MTMR3: variants seen among roughly 807,000 people sequenced by gnomAD.
The protein encoded by MTMR3 is myotubularin related protein 3.
In MTMR3, 32 loss-of-function variants were observed where a neutral mutation model predicts 132.4. The observed-to-expected ratio is 0.24, with a 90% CI of 0.18 to 0.32. The LOEUF (loss-of-function observed/expected upper bound fraction) is 0.32. MTMR3 is among the 10% of genes least tolerant of loss of function. MTMR3 has a pLI of 1.00. For missense variants in MTMR3, 1,216 were observed against 1,489.6 expected (o/e 0.82, Z 3.02); for synonymous variants, 556 against 550.3 (o/e 1.01, Z -0.14).
At chr22:29,914,003 A>G (rs755022996) in intron 1 of MTMR3, among the ~76,000 whole-genome samples, 23 of 151,626 alleles carry the variant, frequency 1.5e-4, no homozygotes, top group Non-Finnish European at 2.8e-4. Context: ...GCCCACCTCA[A>G]CCTCCCAAAG....
At chr22:29,942,458 A>G (rs140796220) in intron 1 of MTMR3, among the ~76,000 whole-genome samples, 46 of 152,322 alleles carry the variant, frequency 3.0e-4, no homozygotes, top group Non-Finnish European at 5.3e-4. Flanking sequence ...TGTCATTGAT[A>G]ACATCTTATC....
Position 30,016,521 on chromosome 22 carries a change from TC to T in MTMR3, c.1504-5del, listed in dbSNP as rs769702883. 38 of 1,612,912 alleles carry T rather than the reference TC, an allele frequency of 2.4e-5. No individual in the cohort carries two copies. The highest frequency in any genetic ancestry group is 3.3e-4 in the Middle Eastern group (2 of 6,076). ...TGCTTAATTTGTGCTTCATTGGACT[TC>T]CATAGGTGAAACTGGTGCAGCATAC... On this transcript the variant is annotated splice_region_variant and splice_polypyrimidine_tract_variant and intron_variant, in intron 14 of 19. Transcript: ENST00000401950.
chr22:29,924,340 C>G (rs1007309985), intron 1 of MTMR3, among the ~76,000 whole-genome samples: 1 of 152,144 alleles, frequency 6.6e-6, no homozygotes, highest in African/African-American at 2.4e-5. Context: ...ATTGCATGGT[C>G]TTGGTATCCT....
At chr22:29,918,491 G>T (rs953244023) in intron 1 of MTMR3, among the ~76,000 whole-genome samples, 8 of 152,064 alleles carry the variant, frequency 5.3e-5, no homozygotes, top group Non-Finnish European at 8.8e-5. Context: ...GTTTTCCTTT[G>T]TGAGACTTAG....
chr22:29,986,837 A>G (rs1569037243), intron 5 of MTMR3: 2 of 133,482 alleles, frequency 1.5e-5, no homozygotes, highest in African/African-American at 5.0e-5. Context: ...CATGCACCAA[A>G]TACAGGCATG....
intron 1 of MTMR3, among the ~76,000 whole-genome samples, chr22:29,949,134 CACACA>C (rs2066014183): frequency 7.1e-5 from 3 of 42,546 alleles, no homozygotes; most frequent in African/African-American, 3.8e-4. Flanking sequence ...CACACACACA[CACACA>C]CACACCCCCC....
At chr22:29,932,529 A>G (rs767741071) in intron 1 of MTMR3, among the ~76,000 whole-genome samples, 12 of 152,190 alleles carry the variant, frequency 7.9e-5, no homozygotes, top group Non-Finnish European at 1.6e-4. Context: ...ACTAATTATG[A>G]TTCAGATGAT....
At chr22:29,957,411 A>G (rs1424063670) in intron 2 of MTMR3, among the ~76,000 whole-genome samples, 1 of 144,382 alleles carries the variant, frequency 6.9e-6, no homozygotes, top group African/African-American at 2.6e-5. Context: ...ATCAATCTCC[A>G]GTTGTATTTA....
chr22:29,929,360 A>G (rs1032427701), intron 1 of MTMR3, among the ~76,000 whole-genome samples: 10 of 152,132 alleles, frequency 6.6e-5, no homozygotes, highest in East Asian at 3.9e-4. Context: ...TTTTCTGCCA[A>G]TCTTTTTGAT....
At chr22:29,975,594 A>G (rs1033021938) in intron 3 of MTMR3, among the ~76,000 whole-genome samples, 5 of 152,224 alleles carry the variant, frequency 3.3e-5, no homozygotes, top group African/African-American at 1.2e-4. Context: ...CCAAAACTTG[A>G]CAAGTGATGT....
intron 13 of MTMR3, chr22:30,012,906 G>A (rs1170531393): frequency 9.2e-6 from 2 of 217,680 alleles, no homozygotes; most frequent in African/African-American, 4.6e-5. Flanking sequence ...TGGAGAAGCA[G>A]CTCTACCTGA....
At chr22:29,982,937 T>TTTTTTTTTTTTGTGTG (rs752531735) in intron 5 of MTMR3, 13 of 146,384 alleles carry the variant, frequency 8.9e-5, no homozygotes, top group African/African-American at 2.8e-4. Flanking sequence ...AAAAGTTTGT[T>TTTTTTTTTTTTGTGTG]TGTGTGTGTG....
At chr22:29,926,833 T>C (rs2065527078) in intron 1 of MTMR3, among the ~76,000 whole-genome samples, 1 of 152,224 alleles carries the variant, frequency 6.6e-6, no homozygotes, top group Admixed American at 6.5e-5. Flanking sequence ...AAATGTTTAA[T>C]TTTGATGAAA....
At chr22:30,014,447 T>A (rs2067517729) in intron 14 of MTMR3, 1 of 152,124 alleles carries the variant, frequency 6.6e-6, no homozygotes, top group Admixed American at 6.6e-5. Context: ...GTTCTCCTTT[T>A]ACCTTACTGG....
At chr22:29,956,581 CT>C (rs950919174) in intron 1 of MTMR3, among the ~76,000 whole-genome samples, 5 of 152,134 alleles carry the variant, frequency 3.3e-5, no homozygotes, top group African/African-American at 1.2e-4. Flanking sequence ...TCTCCTTACC[CT>C]TTTTCTTAAA....
intron 12 of MTMR3, 24 bp from the exon 13 acceptor site, chr22:30,012,344 T>G: frequency 1.2e-6 from 2 of 1,602,972 alleles, no homozygotes; most frequent in Non-Finnish European, 1.7e-6. Flanking sequence ...ATCAGCATTT[T>G]CTAATCCTCT....
intron 1 of MTMR3, among the ~76,000 whole-genome samples, chr22:29,912,565 C>T (rs1030809912): frequency 1.3e-5 from 2 of 152,212 alleles, no homozygotes; most frequent in African/African-American, 4.8e-5. Context: ...AGGCATGGGC[C>T]ACCAAACCTG....
intron 1 of MTMR3, among the ~76,000 whole-genome samples, chr22:29,911,367 G>C (rs1293767101): frequency 2.0e-5 from 3 of 151,976 alleles, no homozygotes; most frequent in Non-Finnish European, 2.9e-5. Context: ...AACGTAGGGA[G>C]ACTTGTCTCT....
intron 1 of MTMR3, among the ~76,000 whole-genome samples, chr22:29,893,327 A>G (rs2064833557): frequency 6.6e-6 from 1 of 152,190 alleles, no homozygotes; most frequent in African/African-American, 2.4e-5. Flanking sequence ...TCTTAATGTC[A>G]TTCCTTTCAC....
Sources: gnomAD v4.1 joint callset for allele counts (sites outside exome capture counted in the v4.1 genomes callset) on GRCh38, gnomAD v4.1.1 for gene constraint, MANE v1.5 for transcripts, NCBI Gene and HGNC (gene_info 2026-07-23, HGNC 2026-07-21) for gene names.